ZNF385D: variants seen among roughly 807,000 people sequenced by gnomAD.
The protein encoded by ZNF385D is zinc finger protein 659.
In ZNF385D, 15 loss-of-function variants were observed where a neutral mutation model predicts 35.8. That is an observed-to-expected ratio of 0.42 (90% CI 0.28 to 0.64). ZNF385D has a LOEUF of 0.64. Ranked by LOEUF, ZNF385D falls within the 30% of genes least tolerant of loss-of-function variation. The pLI is 0.23. For missense variants in ZNF385D, 474 were observed against 494.6 expected (o/e 0.96, Z 0.39); for synonymous variants, 212 against 186.8 (o/e 1.13, Z -1.10).
chr3:21,969,691 T>C (rs1330886359), intron 3 of ZNF385D, among the ~76,000 whole-genome samples: 1 of 152,048 alleles, frequency 6.6e-6, no homozygotes, highest in Non-Finnish European at 1.5e-5. Flanking sequence ...GTAGGGTCCT[T>C]GGGCTTTAAG....
intron 3 of ZNF385D, among the ~76,000 whole-genome samples, chr3:21,540,837 A>T (rs2125560709): frequency 6.6e-6 from 1 of 152,178 alleles, no homozygotes; most frequent in East Asian, 1.9e-4. Context: ...TTAAACTTTC[A>T]TGGCATATCT....
At position 21,663,890 on chromosome 3, in the gene ZNF385D, AATATATAT is replaced by A. The variant is rs66691637; in HGVS notation, c.165+988_165+995del. On this transcript the variant is annotated intron_variant, in intron 2 of 7. Coordinates refer to ENST00000281523, the MANE Select transcript of ZNF385D (RefSeq NM_024697.3). ...TGAAGAATTATTTAATTGTGGGCCGAATATATATATATATATATATATATATATTTATT... is the reference window on the plus strand; with the variant it reads ...TGAAGAATTATTTAATTGTGGGCCGAATATATATATATATATATATTTATT... Among the ~76,000 whole-genome samples the A allele has an allele frequency of 1.6e-3, 102 of 64,416 alleles. 2 individuals carry two copies. Among genetic ancestry groups the A allele is most frequent in the African/African-American group, 4.4e-3 (70 of 16,064 alleles). 42.3% of individuals were successfully genotyped at this position (64,416 alleles called of 152,430 possible). A position where few individuals can be genotyped will look rare whatever the true frequency, so the allele number is the denominator to read the frequency against.
intron 3 of ZNF385D, among the ~76,000 whole-genome samples, chr3:22,095,428 T>G (rs1006513810): frequency 3.9e-5 from 6 of 152,030 alleles, no homozygotes; most frequent in Admixed American, 1.3e-4. Flanking sequence ...CTGAGAATCT[T>G]CTCAAATATT....
intron 2 of ZNF385D, among the ~76,000 whole-genome samples, chr3:22,311,556 A>G (rs1291685662): frequency 1.3e-5 from 2 of 152,246 alleles, no homozygotes; most frequent in African/African-American, 2.4e-5. Flanking sequence ...GGCAAAGACA[A>G]AGACTGGTGG....
intron 2 of ZNF385D, among the ~76,000 whole-genome samples, chr3:21,618,997 G>A (rs980936177): frequency 6.6e-6 from 1 of 152,138 alleles, no homozygotes; most frequent in African/African-American, 2.4e-5. Flanking sequence ...GCCTGCACAG[G>A]TGCCCAAGGA....
chr3:21,719,111 G>A (rs1345854176), intron 1 of ZNF385D, among the ~76,000 whole-genome samples: 3 of 152,112 alleles, frequency 2.0e-5, no homozygotes, highest in Admixed American at 2.0e-4. Context: ...TACTGATAAA[G>A]CCCAGGCAAA....
At chr3:21,716,443 C>T (rs1219632287) in intron 1 of ZNF385D, among the ~76,000 whole-genome samples, 1 of 152,148 alleles carries the variant, frequency 6.6e-6, no homozygotes. Context: ...ACTCTGTGCT[C>T]CTCTCATGTC....
chr3:21,867,724 A>C lies in ZNF385D; in HGVS notation c.326-202696T>G, dbSNP rs535430864. Among the ~76,000 whole-genome samples, 6 of 134,540 alleles carry C rather than the reference A, an allele frequency of 4.5e-5. No homozygotes were observed. The South Asian group carries it at 1.6e-3, about 36-fold the overall frequency. The allele number at this position is 134,540 out of a possible 152,430, so 88.3% of individuals were successfully genotyped here. The stretch of plus-strand genomic sequence containing the variant: ...CAATGTCTCAATGCCAAGAGGCAAT[A>C]TGTTTTAGTAGGAAAAGTAAAAAAA... On this transcript the variant is annotated intron_variant, in intron 3 of 5. Coordinates refer to the ZNF385D transcript ENST00000494108.
At chr3:22,031,767 T>A (rs1201009092) in intron 3 of ZNF385D, among the ~76,000 whole-genome samples, 1 of 152,178 alleles carries the variant, frequency 6.6e-6, no homozygotes, top group Admixed American at 6.5e-5. Context: ...ACCCAGAAAA[T>A]GGGTTTCTCT....
intron 2 of ZNF385D, among the ~76,000 whole-genome samples, chr3:21,599,091 C>T (rs2064206676): frequency 6.6e-6 from 1 of 152,208 alleles, no homozygotes; most frequent in African/African-American, 2.4e-5. Flanking sequence ...CACCTATAAA[C>T]TTTTCTACAG....
intron 3 of ZNF385D, among the ~76,000 whole-genome samples, chr3:21,943,787 T>C (rs1156543285): frequency 6.6e-6 from 1 of 152,188 alleles, no homozygotes; most frequent in African/African-American, 2.4e-5. Context: ...AGTAATTTAG[T>C]CCTGGCAGTT....
intron 3 of ZNF385D, among the ~76,000 whole-genome samples, chr3:22,085,403 G>A (rs925109339): frequency 1.6e-4 from 24 of 152,090 alleles, no homozygotes; most frequent in Admixed American, 1.1e-3. Flanking sequence ...TATCACCACC[G>A]ATCCCACGGA....
intron 1 of ZNF385D, among the ~76,000 whole-genome samples, chr3:21,692,305 G>A (rs928684878): frequency 1.3e-5 from 2 of 151,980 alleles, no homozygotes; most frequent in African/African-American, 4.8e-5. Flanking sequence ...TTATATTTCT[G>A]GCTTTTCCCA....
At chr3:21,599,298 G>A (rs1203728081) in intron 2 of ZNF385D, among the ~76,000 whole-genome samples, 5 of 152,172 alleles carry the variant, frequency 3.3e-5, no homozygotes, top group Admixed American at 3.3e-4. Flanking sequence ...CATAGTGTTT[G>A]TTTGGCAAAT....
intron 3 of ZNF385D, among the ~76,000 whole-genome samples, chr3:21,534,300 A>G (rs566675989): frequency 3.4e-4 from 51 of 152,210 alleles, no homozygotes; most frequent in Admixed American, 7.9e-4. Flanking sequence ...AAACTGAAAC[A>G]TTCATCACTA....
intron 4 of ZNF385D, among the ~76,000 whole-genome samples, chr3:21,446,487 CTTTT>C (rs71044918): frequency 1.1e-5 from 1 of 91,858 alleles, no homozygotes; most frequent in Non-Finnish European, 2.0e-5. Flanking sequence ...AATCAATGAA[CTTTT>C]TTTTTTTTTT....
chr3:21,858,149 G>C (rs1211548362), intron 3 of ZNF385D, among the ~76,000 whole-genome samples: 2 of 113,378 alleles, frequency 1.8e-5, no homozygotes, highest in East Asian at 5.1e-4. Context: ...GACACAGCAA[G>C]AGTCTATCAA....
At chr3:22,135,122 T>C (rs1245420759) in intron 3 of ZNF385D, among the ~76,000 whole-genome samples, 1 of 152,114 alleles carries the variant, frequency 6.6e-6, no homozygotes, top group African/African-American at 2.4e-5. Context: ...TTCAACAGCA[T>C]ACTGCAAATC....
At chr3:22,194,517 T>A (rs1322278929) in intron 2 of ZNF385D, among the ~76,000 whole-genome samples, 1 of 151,996 alleles carries the variant, frequency 6.6e-6, no homozygotes, top group African/African-American at 2.4e-5. Flanking sequence ...CCACTGCTTT[T>A]AGTTTTCAGT....
Sources: gnomAD v4.1 joint callset for allele counts (sites outside exome capture counted in the v4.1 genomes callset) on GRCh38, gnomAD v4.1.1 for gene constraint, MANE v1.5 for transcripts, NCBI Gene and HGNC (gene_info 2026-07-23, HGNC 2026-07-21) for gene names.